SVIL: variants seen among roughly 807,000 people sequenced by gnomAD.
SVIL encodes supervillin.
In SVIL, 101 loss-of-function variants were observed where a neutral mutation model predicts 240.4. The observed-to-expected ratio is 0.42, with a 90% CI of 0.36 to 0.50. SVIL has a LOEUF of 0.50. Ranked by LOEUF, SVIL falls within the 20% of genes least tolerant of loss-of-function variation. The pLI, the probability that SVIL is intolerant of heterozygous loss-of-function variation, is 0.01. For missense variants in SVIL, 2,512 were observed against 2,818.7 expected (o/e 0.89, Z 2.46); for synonymous variants, 999 against 1,100.0 (o/e 0.91, Z 1.82).
rs914323550 is a variant in SVIL at position 29,486,625 on chromosome 10, A to G, written c.4486-68T>C. On this transcript the variant is annotated intron_variant, in intron 24 of 37. Transcript: ENST00000355867. ...TGGCTAGACAGAGTGGCACATGTCAAAACCAGAGAGGAGAAACAGTGTGCC... is the reference window on the plus strand; with the variant it reads ...TGGCTAGACAGAGTGGCACATGTCAGAACCAGAGAGGAGAAACAGTGTGCC... The G allele has an allele frequency of 5.0e-6, 8 of 1,587,748 alleles. No homozygotes were observed. In the African/African-American group the frequency reaches 9.5e-5, roughly 19 times the overall value.
chr10:29,528,437 C>T (rs1214131548), intron 12 of SVIL, among the ~76,000 whole-genome samples: 1 of 152,018 alleles, frequency 6.6e-6, no homozygotes, highest in Non-Finnish European at 1.5e-5. Flanking sequence ...CAATTAACAA[C>T]ATCAACAACA....
chr10:29,570,328 C>T (rs1189974792), intron 1 of SVIL, among the ~76,000 whole-genome samples: 3 of 152,220 alleles, frequency 2.0e-5, no homozygotes, highest in African/African-American at 7.2e-5. Context: ...GAGAAAATTC[C>T]TGAATCTGAG....
rs1958439933 is a variant in SVIL, at chr10:29,640,225, A to G, written c.-201+17744T>C. On this transcript the variant is annotated intron_variant, in intron 3 of 35. Transcript: ENST00000375400. ...CTACAACCCAGAAACTGCTCTCCCA[A>G]CAACACACTCTCCTGAGGCTTCATC... is the stretch of plus-strand genomic sequence containing the variant. 2.0e-5 allele frequency among the ~76,000 whole-genome samples: 3 copies of G among 152,054 alleles called. No individual in the cohort carries two copies. The South Asian group carries it at 6.2e-4, about 32-fold the overall frequency.
intron 7 of SVIL, among the ~76,000 whole-genome samples, chr10:29,534,987 C>T (rs781140429): frequency 4.6e-5 from 7 of 152,106 alleles, no homozygotes; most frequent in East Asian, 1.9e-4. Context: ...GGATTTCTTG[C>T]GGGGAGAGGA....
intron 2 of SVIL, among the ~76,000 whole-genome samples, chr10:29,676,309 T>C (rs531626947): frequency 1.3e-5 from 2 of 152,250 alleles, no homozygotes; most frequent in African/African-American, 4.8e-5. Context: ...TTTGGTAACA[T>C]TACCTCTCAG....
intron 1 of SVIL, among the ~76,000 whole-genome samples, chr10:29,701,096 A>G (rs753452939): frequency 1.5e-4 from 23 of 152,116 alleles, no homozygotes; most frequent in Non-Finnish European, 2.8e-4. Context: ...TGCCTGCATT[A>G]TACCCCTCTA....
At position 29,683,493 on chromosome 10, in the gene SVIL, G is replaced by A. The variant is rs978570434; in HGVS notation, c.-301+3060C>T. The stretch of plus-strand genomic sequence containing the variant: ...GGGTATCATGAGGCATGTCTGATTC[G>A]CCCTTCCCATCAGGGCCTGAACTAG... On this transcript the variant is annotated intron_variant, in intron 2 of 35. Coordinates refer to the SVIL transcript ENST00000375400. 2.6e-5 allele frequency among the ~76,000 whole-genome samples: 4 copies of A among 152,274 alleles called. 1 individual carries two copies. In the South Asian group the frequency reaches 6.2e-4, roughly 24 times the overall value.
At chr10:29,551,928 T>G (rs1420835247) in intron 5 of SVIL, among the ~76,000 whole-genome samples, 1 of 151,422 alleles carries the variant, frequency 6.6e-6, no homozygotes, top group Admixed American at 6.6e-5. Context: ...CTGGGTAACA[T>G]AGTGAGACCC....
intron 9 of SVIL, 90 bp downstream of exon 9, chr10:29,531,912 A>C: frequency 7.1e-7 from 1 of 1,417,116 alleles, no homozygotes; most frequent in Non-Finnish European, 9.7e-7. Flanking sequence ...CCAACATCCT[A>C]TATAAATAGC....
At chr10:29,699,679 A>G (rs1962356399) in intron 1 of SVIL, among the ~76,000 whole-genome samples, 1 of 152,218 alleles carries the variant, frequency 6.6e-6, no homozygotes, top group Non-Finnish European at 1.5e-5. Context: ...TTGCTTTTTC[A>G]GTAAGTTCTG....
intron 9 of SVIL, 71 bp from the exon 10 acceptor site, chr10:29,531,359 T>C: frequency 7.3e-7 from 1 of 1,362,766 alleles, no homozygotes; most frequent in South Asian, 1.2e-5. Context: ...TAAAACATCA[T>C]ACTGAAAGTA....
intron 22 of SVIL, 28 bp from the exon 23 acceptor site, chr10:29,488,784 C>T (rs372899788): frequency 2.1e-5 from 33 of 1,598,856 alleles, no homozygotes; most frequent in African/African-American, 1.1e-4. Context: ...GGAAACACAA[C>T]GCAGGAGGTT....
At position 29,554,796 on chromosome 10, in the gene SVIL, G is replaced by C; in HGVS notation, c.147C>G (p.Ala49=). 1 of 1,603,454 alleles carries C rather than the reference G, an allele frequency of 6.2e-7. No homozygotes were observed. Among genetic ancestry groups the C allele is most frequent in the East Asian group, 2.2e-5 (1 of 44,700 alleles). ...TPRYMRASDP[A]SPHIGRSNEE... ...CTCCACGCTCACCGATGTGGGGGCTGGCAGGGTCGCTGGCTCTCATGTATC... is the reference window on the plus strand; with the variant it reads ...CTCCACGCTCACCGATGTGGGGGCTCGCAGGGTCGCTGGCTCTCATGTATC... Residue 49 remains alanine (A), a synonymous_variant, in exon 5 of 38, where the codon GCC becomes GCG. Coordinates refer to ENST00000355867, the MANE Select transcript of SVIL (RefSeq NM_021738.3).
At chr10:29,724,512 A>G (rs1964175437) in intron 1 of SVIL, among the ~76,000 whole-genome samples, 2 of 152,126 alleles carry the variant, frequency 1.3e-5, no homozygotes, top group African/African-American at 4.8e-5. Flanking sequence ...CAGTGTCAGG[A>G]TATATGATGG....
chr10:29,528,047 G>A lies in SVIL; in HGVS notation c.2247-991C>T, dbSNP rs183005612. On this transcript the variant is annotated intron_variant, in intron 12 of 37. Transcript: ENST00000355867. ...CCCGGCCTCAATCTACTTTTTAAAAGTATCAGTGTTCTTATACAATCTATA... is the reference window on the plus strand; with the variant it reads ...CCCGGCCTCAATCTACTTTTTAAAAATATCAGTGTTCTTATACAATCTATA... Among the ~76,000 whole-genome samples the A allele has an allele frequency of 5.9e-5, 9 of 152,164 alleles. No individual in the cohort carries two copies. The South Asian group carries it at 1.0e-3, about 18-fold the overall frequency.
intron 26 of SVIL, 42 bp downstream of exon 26, chr10:29,486,043 C>T: frequency 6.2e-7 from 1 of 1,613,242 alleles, no homozygotes; most frequent in Non-Finnish European, 8.5e-7. Flanking sequence ...TGAGTGCTTT[C>T]AATGTGGTTT....
At chr10:29,601,339 C>T (rs887031055) in intron 1 of SVIL, among the ~76,000 whole-genome samples, 1 of 152,230 alleles carries the variant, frequency 6.6e-6, no homozygotes, top group Non-Finnish European at 1.5e-5. Context: ...AAATGTGCTC[C>T]TCTGTATCTA....
intron 36 of SVIL, 102 bp downstream of exon 36, chr10:29,462,175 T>G: frequency 1.4e-6 from 2 of 1,404,516 alleles, no homozygotes; most frequent in South Asian, 3.4e-5. Flanking sequence ...AAAAATATTT[T>G]CCCACTCTGA....
chr10:29,492,084 C>A (rs1453397524), intron 21 of SVIL, among the ~76,000 whole-genome samples: 4 of 152,132 alleles, frequency 2.6e-5, no homozygotes, highest in Non-Finnish European at 5.9e-5. Context: ...GCCTGTCTAG[C>A]GTGTCTCCCT....
Sources: allele counts gnomAD v4.1 joint callset (sites outside exome capture counted in the v4.1 genomes callset), GRCh38; gene constraint gnomAD v4.1.1; transcripts MANE v1.5; gene names NCBI Gene and HGNC (gene_info 2026-07-23, HGNC 2026-07-21).